PCDHB3: variants seen among roughly 807,000 people sequenced by gnomAD.
PCDHB3 encodes the protein protocadherin beta-3.
For synonymous variants in PCDHB3, 479 were observed against 456.0 expected (o/e 1.05, Z -0.64); for missense variants, 967 against 1,012.1 (o/e 0.96, Z 0.60).
Position 141,100,660 on chromosome 5 carries a change from G to A in PCDHB3, c.11G>A (p.Gly4Glu), listed in dbSNP as rs1247130091. 13 of 1,599,134 alleles carry A rather than the reference G, an allele frequency of 8.1e-6. No homozygotes were observed. In the Admixed American group the frequency reaches 1.5e-4, roughly 19 times the overall value. The change falls in exon 1 of 1, where the codon GGA becomes GAA. Residue 4 changes from glycine (G) to glutamate (E), a missense_variant. By Grantham distance (98) the Gly-to-Glu change is moderately conservative. Transcript: ENST00000231130. ...GTGACGGAAAGTGCAATGGAGGCGG[G>A]AGGAGAGCGATTTCTTAGACAAAGG... MEA[G>E]GERFLRQRQV...
Position 141,101,188 on chromosome 5 carries a change from T to A in PCDHB3, c.539T>A (p.Val180Glu). Reference protein sequence around the residue: ...YTITPNSHFHVLTRSRRDGRK... With the variant: ...YTITPNSHFHELTRSRRDGRK... ...ATCACTCCGAATTCCCACTTCCACG[T>A]ACTCACTCGCAGTCGTAGGGACGGA... The change falls in exon 1 of 1, where the codon GTA (valine) becomes GAA (glutamate). Residue 180 changes from valine to glutamate, a missense_variant. By Grantham distance (121) the Val-to-Glu change is moderately radical (BLOSUM62 -2). Transcript: ENST00000231130. 6.2e-7 allele frequency: 1 copy of A among 1,614,156 alleles called. No homozygotes were observed. The highest frequency in any genetic ancestry group is 2.2e-5 in the East Asian group (1 of 44,880).
At position 141,102,968 on chromosome 5, in the gene PCDHB3, C is replaced by T. The variant is rs1752000575; in HGVS notation, c.2319C>T (p.Asn773=). 4 of 1,603,856 alleles carry T rather than the reference C, an allele frequency of 2.5e-6. No homozygotes were observed. The highest frequency in any genetic ancestry group is 1.3e-5 in the African/African-American group (1 of 74,718). ...AGTTCCTGAAGCCAATTATCCCCAA[C>T]TTCGTTGCTCAGGGTGCAGAGAGGG... ...EFKFLKPIIP[N]FVAQGAERVS... The change falls in exon 1 of 1, where the codon AAC becomes AAT. Residue 773 remains asparagine, a synonymous_variant. Transcript: ENST00000231130.
Position 141,101,031 on chromosome 5 carries a change from G to A in PCDHB3, c.382G>A (p.Asp128Asn). ...CGAGCTCCGTATCATAGATGTAAAT[G>A]ACCATTCTCCGGTATTCTTTGAAAA... ...TNELRIIDVN[D>N]HSPVFFENEM... Residue 128 changes from aspartate (D) to asparagine (N), a missense_variant, in exon 1 of 1, where the codon GAC becomes AAC. Physicochemically the swap from Asp to Asn is conservative, Grantham distance 23 (BLOSUM62 1). Transcript: ENST00000231130. 6.2e-7 allele frequency: 1 copy of A among 1,614,154 alleles called. No homozygotes were observed. Among genetic ancestry groups the A allele is most frequent in the Non-Finnish European group, 8.5e-7 (1 of 1,180,030 alleles).
At position 141,101,728 on chromosome 5, in the gene PCDHB3, C is replaced by T. The variant is rs1419014858; in HGVS notation, c.1079C>T (p.Ser360Leu). 4 of 1,613,802 alleles carry T rather than the reference C, an allele frequency of 2.5e-6. No individual in the cohort carries two copies. The African/African-American group carries it at 4.0e-5, about 16-fold the overall frequency. Residue 360 changes from serine (S) to leucine (L), a missense_variant, in exon 1 of 1, where the codon TCG (serine) becomes TTG (leucine). Ser to Leu is a moderately radical substitution (Grantham distance 145). Coordinates refer to ENST00000231130, the MANE Select transcript of PCDHB3 (RefSeq NM_018937.5). ...GTAAACAGCCCTATTCCTGAGAACTCGGGAGAGACTGTACTGGCTGTTTTC... is the reference window on the plus strand; with the variant it reads ...GTAAACAGCCCTATTCCTGAGAACTTGGGAGAGACTGTACTGGCTGTTTTC... Reference protein sequence around the residue: ...SSVNSPIPENSGETVLAVFSV... With the variant: ...SSVNSPIPENLGETVLAVFSV...
chr5:141,102,831 C>T lies in PCDHB3; in HGVS notation c.2182C>T (p.Pro728Ser). The T allele has an allele frequency of 6.2e-7, 1 of 1,612,372 alleles. No individual in the cohort carries two copies. Among genetic ancestry groups the T allele is most frequent in the Non-Finnish European group, 8.5e-7 (1 of 1,179,756 alleles). The change falls in exon 1 of 1, where the codon CCC becomes TCC. Residue 728 changes from proline (P) to serine (S), a missense_variant. Transcript: ENST00000231130. ...RAASVGRCSV[P>S]EGPFPGQMVD... is the part of the protein sequence containing the mutation. ...GGCCTCGGTGGGTCGCTGCTCGGTG[C>T]CCGAGGGCCCCTTTCCAGGGCAGAT...
In PCDHB3 at chr5:141,101,744, G is replaced by A. The variant is rs1254186638; in HGVS notation, c.1095G>A (p.Leu365=). Residue 365 remains leucine (L), a synonymous_variant, in exon 1 of 1, where the codon CTG becomes CTA. Transcript: ENST00000231130. ...CTGAGAACTCGGGAGAGACTGTACT[G>A]GCTGTTTTCAGTGTTTCTGATCTAG... ...PIPENSGETV[L]AVFSVSDLDS... 1.8e-5 allele frequency: 29 copies of A among 1,613,920 alleles called. No individual in the cohort carries two copies. The highest frequency in any genetic ancestry group is 2.1e-5 in the Non-Finnish European group (25 of 1,180,014).
rs782215967 is a variant in PCDHB3, at chr5:141,102,812, G to C, written c.2163G>C (p.Ser721=). ...VRLCRRSRAA[S]VGRCSVPEGP... Reference sequence around the variant, plus strand: ...TGTGCAGGAGGAGCAGGGCGGCCTCGGTGGGTCGCTGCTCGGTGCCCGAGG... The same window carrying C: ...TGTGCAGGAGGAGCAGGGCGGCCTCCGTGGGTCGCTGCTCGGTGCCCGAGG... The change falls in exon 1 of 1, where the codon TCG becomes TCC. Residue 721 remains serine (S), a synonymous_variant. Transcript: ENST00000231130. The C allele has an allele frequency of 2.5e-5, 41 of 1,612,306 alleles. No homozygotes were observed. Among genetic ancestry groups the C allele is most frequent in the Non-Finnish European group, 3.5e-5 (41 of 1,179,880 alleles).
chr5:141,101,267 G>T lies in PCDHB3; in HGVS notation c.618G>T (p.Pro206=). 1 of 1,614,154 alleles carries T rather than the reference G, an allele frequency of 6.2e-7. No individual in the cohort carries two copies. Among genetic ancestry groups the T allele is most frequent in the Non-Finnish European group, 8.5e-7 (1 of 1,180,034 alleles). ...LDKALDPEEQ[P]ELSLTLTALD... ...AAGCGCTCGATCCGGAGGAGCAGCC[G>T]GAACTCAGCTTAACGCTCACCGCGC... The change falls in exon 1 of 1, where the codon CCG becomes CCT. Residue 206 remains proline (P), a synonymous_variant. Coordinates refer to ENST00000231130, the MANE Select transcript of PCDHB3 (RefSeq NM_018937.5).
chr5:141,103,167 T>C lies in PCDHB3; in HGVS notation c.*127T>C. 1.8e-6 allele frequency: 2 copies of C among 1,097,780 alleles called. No homozygotes were observed. The highest frequency in any genetic ancestry group is 2.6e-6 in the Non-Finnish European group (2 of 763,248). The allele number at this position is 1,097,780 out of a possible 1,614,324, so 68.0% of individuals were successfully genotyped here. On this transcript the variant is annotated 3_prime_UTR_variant, in exon 1 of 1. Transcript: ENST00000231130. The stretch of plus-strand genomic sequence containing the variant: ...CAAGTAGCAAGAATAGAGCAAAATA[T>C]CAAATCCAGGGATGGCTTAGGTTTC...
In PCDHB3 at chr5:141,102,738, G is replaced by C; in HGVS notation, c.2089G>C (p.Val697Leu). ...CTACCTGGTGGTGGCATTGGCCTCGGTGTCTTCGCTCTTCCTCTTTTCGGT... is the reference window on the plus strand; with the variant it reads ...CTACCTGGTGGTGGCATTGGCCTCGCTGTCTTCGCTCTTCCTCTTTTCGGT... ...TVYLVVALAS[V>L]SSLFLFSVLL... Residue 697 changes from valine (V) to leucine (L), a missense_variant, in exon 1 of 1, where the codon GTG becomes CTG. Physicochemically the swap from Val to Leu is conservative, Grantham distance 32. Coordinates refer to ENST00000231130, the MANE Select transcript of PCDHB3 (RefSeq NM_018937.5). The C allele has an allele frequency of 6.2e-7, 1 of 1,611,930 alleles. No homozygotes were observed. Among genetic ancestry groups the C allele is most frequent in the Non-Finnish European group, 8.5e-7 (1 of 1,179,714 alleles).
Position 141,102,776 on chromosome 5 carries a change from G to A in PCDHB3, c.2127G>A (p.Val709=). ...SLFLFSVLLF[V]AVRLCRRSRA... is the part of the protein sequence containing the mutation. The stretch of plus-strand genomic sequence containing the variant: ...TCCTCTTTTCGGTGCTCCTGTTCGT[G>A]GCGGTGCGGCTGTGCAGGAGGAGCA... Residue 709 remains valine (V), a synonymous_variant, in exon 1 of 1, where the codon GTG becomes GTA. Transcript: ENST00000231130. 6.2e-7 allele frequency: 1 copy of A among 1,612,244 alleles called. No homozygotes were observed. The highest frequency in any genetic ancestry group is 8.5e-7 in the Non-Finnish European group (1 of 1,179,778).
In PCDHB3 at chr5:141,100,846, T is replaced by C; in HGVS notation, c.197T>C (p.Val66Ala). ...VEELAARGAQVVSKGNKQHFQ... is the reference protein window; with the variant it reads ...VEELAARGAQAVSKGNKQHFQ... ...GAACTGGCCGCGAGGGGGGCCCAAG[T>C]TGTGTCCAAAGGGAACAAACAGCAT... is the stretch of plus-strand genomic sequence containing the variant. Residue 66 changes from valine to alanine, a missense_variant, in exon 1 of 1, where the codon GTT (valine) becomes GCT (alanine). Transcript: ENST00000231130. 1.2e-6 allele frequency: 2 copies of C among 1,614,082 alleles called. No homozygotes were observed. Among genetic ancestry groups the C allele is most frequent in the Non-Finnish European group, 1.7e-6 (2 of 1,180,020 alleles).
chr5:141,103,088 GT>G lies in PCDHB3; in HGVS notation c.*49del. The G allele has an allele frequency of 6.4e-7, 1 of 1,550,932 alleles. No homozygotes were observed. The highest frequency in any genetic ancestry group is 2.3e-5 in the East Asian group (1 of 44,430). ...CCTCGTCTTAGTTAATCTGTGGAAAGTCCTTTTTTACTGCTTTGTCCATTGG... is the reference window on the plus strand; with the variant it reads ...CCTCGTCTTAGTTAATCTGTGGAAAGCCTTTTTTACTGCTTTGTCCATTGG... On this transcript the variant is annotated 3_prime_UTR_variant, in exon 1 of 1. Coordinates refer to ENST00000231130, the MANE Select transcript of PCDHB3 (RefSeq NM_018937.5).
Position 141,102,695 on chromosome 5 carries a change from G to T in PCDHB3, c.2046G>T (p.Gln682His). 6.2e-7 allele frequency: 1 copy of T among 1,611,782 alleles called. No individual in the cohort carries two copies. The highest frequency in any genetic ancestry group is 8.5e-7 in the Non-Finnish European group (1 of 1,179,794). ...CGGAGGCGGCACCGGCCCAGGCCCAGGCCGACTTGCTCACCGTCTACCTGG... is the reference window on the plus strand; with the variant it reads ...CGGAGGCGGCACCGGCCCAGGCCCATGCCGACTTGCTCACCGTCTACCTGG... ...PLPEAAPAQA[Q>H]ADLLTVYLVV... Residue 682 changes from glutamine (Q) to histidine (H), a missense_variant, in exon 1 of 1, where the codon CAG becomes CAT. Transcript: ENST00000231130.
chr5:141,101,207 G>A lies in PCDHB3; in HGVS notation c.558G>A (p.Arg186=), dbSNP rs1554272217. Residue 186 remains arginine (R), a synonymous_variant, in exon 1 of 1, where the codon AGG becomes AGA. Transcript: ENST00000231130. ...SHFHVLTRSR[R]DGRKYPELVL... ...TCCACGTACTCACTCGCAGTCGTAG[G>A]GACGGAAGGAAGTACCCGGAACTAG... is the stretch of plus-strand genomic sequence containing the variant. 4 of 1,614,004 alleles carry A rather than the reference G, an allele frequency of 2.5e-6. No individual in the cohort carries two copies. The highest frequency in any genetic ancestry group is 3.4e-6 in the Non-Finnish European group (4 of 1,180,050).
In PCDHB3 at chr5:141,100,604, G is replaced by T; in HGVS notation, c.-46G>T. 1 of 1,403,724 alleles carries T rather than the reference G, an allele frequency of 7.1e-7. No individual in the cohort carries two copies. The highest frequency in any genetic ancestry group is 2.3e-5 in the East Asian group (1 of 43,714). The allele number at this position is 1,403,724 out of a possible 1,614,324, so 87.0% of individuals were successfully genotyped here. A position where few individuals can be genotyped will look rare whatever the true frequency, so the allele number is the denominator to read the frequency against. On this transcript the variant is annotated 5_prime_UTR_variant, in exon 1 of 1. The change creates a new upstream start codon in the 5' untranslated region. Coordinates refer to ENST00000231130, the MANE Select transcript of PCDHB3 (RefSeq NM_018937.5). Reference sequence around the variant, plus strand: ...AAGACTGTTTCCCAGCTCTGTCTGAGGTTCAGCTTGGCGACATTCCCTGGA... The same window carrying T: ...AAGACTGTTTCCCAGCTCTGTCTGATGTTCAGCTTGGCGACATTCCCTGGA...
Position 141,103,036 on chromosome 5 carries a change from G to T in PCDHB3, c.2387G>T (p.Ser796Ile), listed in dbSNP as rs148868453. ...NPSFRKSFEF[S>I] ...AGTTTCAGGAAGAGCTTTGAATTCA[G>T]TTAAGTGTTAATAAGGATCTACTGA... is the stretch of plus-strand genomic sequence containing the variant. Residue 796 changes from serine (S) to isoleucine (I), a missense_variant, in exon 1 of 1, where the codon AGT (serine) becomes ATT (isoleucine). Ser to Ile is a moderately radical substitution (Grantham distance 142, BLOSUM62 -2). Transcript: ENST00000231130. 1.9e-6 allele frequency: 3 copies of T among 1,606,646 alleles called. No homozygotes were observed. In the Admixed American group the frequency reaches 5.0e-5, roughly 27 times the overall value.
Position 141,101,164 on chromosome 5 carries a change from T to G in PCDHB3, c.515T>G (p.Ile172Ser). 6.2e-7 allele frequency: 1 copy of G among 1,614,082 alleles called. No individual in the cohort carries two copies. The highest frequency in any genetic ancestry group is 8.5e-7 in the Non-Finnish European group (1 of 1,180,024). ...AGAAACAGCCTCCAAAACTACACTA[T>G]CACTCCGAATTCCCACTTCCACGTA... ...VGRNSLQNYT[I>S]TPNSHFHVLT... The change falls in exon 1 of 1, where the codon ATC becomes AGC. Residue 172 changes from isoleucine to serine, a missense_variant. Physicochemically the swap from Ile to Ser is moderately radical, Grantham distance 142 (BLOSUM62 -2). Transcript: ENST00000231130.
rs186715290 is a variant in PCDHB3, at chr5:141,103,203, C to G, written c.*163C>G. The G allele has an allele frequency of 1.4e-5, 10 of 723,544 alleles. No homozygotes were observed. In the African/African-American group the frequency reaches 1.6e-4, roughly 12 times the overall value. 44.8% of individuals were successfully genotyped at this position (723,544 alleles called of 1,614,324 possible). ...GATGGCTTAGGTTTCATTAACAGTACTGGAAAGTAGTTGTGTGGCTCTGAA... is the reference window on the plus strand; with the variant it reads ...GATGGCTTAGGTTTCATTAACAGTAGTGGAAAGTAGTTGTGTGGCTCTGAA... On this transcript the variant is annotated 3_prime_UTR_variant, in exon 1 of 1. Transcript: ENST00000231130.
Sources: allele counts gnomAD v4.1 joint callset, GRCh38; gene constraint gnomAD v4.1.1; transcripts MANE v1.5; gene names NCBI Gene and HGNC (gene_info 2026-07-23, HGNC 2026-07-21).